The following EML4 variants were observed in gnomAD, a reference collection of about 807,000 sequenced individuals.
EML4 encodes the protein EMAP like 4, also known as echinoderm microtubule-associated protein-like 4.
EML4 carries 72 observed loss-of-function variants against 129.0 expected under a neutral mutation model. The ratio of observed to expected loss-of-function variants is 0.56; its 90% CI spans 0.46 to 0.68. EML4 has a LOEUF of 0.68. EML4 is among the 30% of genes least tolerant of loss of function. EML4 has a pLI of 0.00. For synonymous variants in EML4, 532 were observed against 405.0 expected (o/e 1.31, Z -3.77); for missense variants, 1,363 against 1,190.6 (o/e 1.14, Z -2.13).
chr2:42,288,531 A>T, intron 11 of EML4: 2 of 292,196 alleles, frequency 6.8e-6, no homozygotes, highest in Non-Finnish European at 6.4e-6. Context: ...ACTTGAAGCA[A>T]TTTCAATATT....
chr2:42,247,583 C>T (rs538609127), intron 2 of EML4, among the ~76,000 whole-genome samples: 8 of 152,156 alleles, frequency 5.3e-5, no homozygotes, highest in Admixed American at 3.9e-4. Context: ...TGACAAAGGA[C>T]AAGGGGCCTG....
chr2:42,297,326 A>G (rs374678484), intron 13 of EML4, among the ~76,000 whole-genome samples: 1 of 152,176 alleles, frequency 6.6e-6, no homozygotes, highest in Non-Finnish European at 1.5e-5. Flanking sequence ...CGAATCTCCA[A>G]CACTGAGCAG....
At chr2:42,280,786 A>C (rs1360201381) in intron 6 of EML4, 64 bp from the exon 7 acceptor site, 2 of 1,283,012 alleles carry the variant, frequency 1.6e-6, no homozygotes, top group Non-Finnish European at 2.2e-6. Context: ...CACGTTAATA[A>C]TCCACTTTTG....
intron 1 of EML4, among the ~76,000 whole-genome samples, chr2:42,211,836 C>T (rs1028777417): frequency 2.2e-4 from 34 of 151,978 alleles, no homozygotes; most frequent in African/African-American, 8.2e-4. Flanking sequence ...AACCCACTTT[C>T]TTTTTCTTTC....
intron 1 of EML4, among the ~76,000 whole-genome samples, chr2:42,200,089 C>T (rs759385984): frequency 2.7e-5 from 4 of 148,578 alleles, no homozygotes; most frequent in South Asian, 2.1e-4. Flanking sequence ...GCGGGCAGAT[C>T]GCGAAGTCAG....
intron 21 of EML4, among the ~76,000 whole-genome samples, chr2:42,327,005 ATC>A (rs1244539168): frequency 1.3e-5 from 2 of 152,060 alleles, no homozygotes; most frequent in African/African-American, 4.8e-5. Flanking sequence ...CAGTTACCCC[ATC>A]TCTCTTATCC....
chr2:42,306,484 CTTTTTTTTTTTTTTTTT>C (rs375707062), intron 17 of EML4, among the ~76,000 whole-genome samples: 14 of 74,604 alleles, frequency 1.9e-4, no homozygotes, highest in African/African-American at 6.6e-4. Flanking sequence ...GTGCTAAATC[CTTTTTTTTTTTTTTTTT>C]TTTTTTTTTG....
chr2:42,188,077 T>A (rs1050443330), intron 1 of EML4, among the ~76,000 whole-genome samples: 1 of 152,196 alleles, frequency 6.6e-6, no homozygotes, highest in Non-Finnish European at 1.5e-5. Flanking sequence ...ATTGAACTAA[T>A]CGGAAAGATT....
At chr2:42,176,994 TG>T (rs1670644276) in intron 1 of EML4, among the ~76,000 whole-genome samples, 1 of 152,086 alleles carries the variant, frequency 6.6e-6, no homozygotes, top group Non-Finnish European at 1.5e-5. Context: ...GGTTTCACCA[TG>T]TTGGCCAGGC....
At chr2:42,237,745 A>AAG (rs1272488889) in intron 1 of EML4, among the ~76,000 whole-genome samples, 1 of 152,230 alleles carries the variant, frequency 6.6e-6, no homozygotes, top group Non-Finnish European at 1.5e-5. Flanking sequence ...AAATGTTATT[A>AAG]AGAAAGTCAT....
chr2:42,324,088 A>G (rs559664735), intron 19 of EML4, among the ~76,000 whole-genome samples: 219 of 152,278 alleles, frequency 1.4e-3, no homozygotes, highest in African/African-American at 5.1e-3. Flanking sequence ...TGAGGCCAGG[A>G]GTTCGAGACC....
chr2:42,288,155 G>C, intron 10 of EML4, 72 bp from the exon 11 acceptor site: 2 of 644,016 alleles, frequency 3.1e-6, no homozygotes, highest in Non-Finnish European at 5.4e-6. Flanking sequence ...GTTTTAATAA[G>C]ATGGTATTTC....
intron 2 of EML4, among the ~76,000 whole-genome samples, chr2:42,252,057 A>G (rs1342552695): frequency 2.0e-5 from 3 of 152,242 alleles, no homozygotes; most frequent in Non-Finnish European, 4.4e-5. Flanking sequence ...TTACAGTTTT[A>G]GAGAGACAGA....
At chr2:42,255,759 T>G (rs1006048510) in intron 2 of EML4, among the ~76,000 whole-genome samples, 1 of 152,214 alleles carries the variant, frequency 6.6e-6, no homozygotes, top group Non-Finnish European at 1.5e-5. Flanking sequence ...AGGAAGCACG[T>G]TAGGTGATTA....
intron 3 of EML4, among the ~76,000 whole-genome samples, chr2:42,256,944 T>C (rs1324516134): frequency 1.3e-5 from 2 of 152,238 alleles, no homozygotes. Flanking sequence ...ATTATATAAC[T>C]GAATTTTCCA....
chr2:42,199,796 C>T (rs1230523143), intron 1 of EML4, among the ~76,000 whole-genome samples: 3 of 152,062 alleles, frequency 2.0e-5, no homozygotes, highest in Non-Finnish European at 4.4e-5. Context: ...ACCGAAGCGT[C>T]ACAGAAATCC....
chr2:42,301,421 T>C (rs376003550), intron 14 of EML4, 29 bp downstream of exon 14: 6 of 1,559,232 alleles, frequency 3.8e-6, no homozygotes, highest in Non-Finnish European at 5.2e-6. Flanking sequence ...TATAAAAATA[T>C]TAAATACTCT....
At chr2:42,292,212 A>G (rs761452879) in intron 11 of EML4, among the ~76,000 whole-genome samples, 50 of 152,334 alleles carry the variant, frequency 3.3e-4, no homozygotes, top group Admixed American at 6.5e-4. Flanking sequence ...TTTAGGAACA[A>G]TTTAGTGAAT....
At chr2:42,254,448 ACT>A (rs1187158770) in intron 2 of EML4, among the ~76,000 whole-genome samples, 1 of 148,812 alleles carries the variant, frequency 6.7e-6, no homozygotes, top group African/African-American at 2.5e-5. Context: ...ACAGAGCAAG[ACT>A]CTGTCTCAAA....
Sources: allele counts gnomAD v4.1 joint callset (sites outside exome capture counted in the v4.1 genomes callset), GRCh38; gene constraint gnomAD v4.1.1; transcripts MANE v1.5; gene names NCBI Gene and HGNC (gene_info 2026-07-23, HGNC 2026-07-21).